Variants in LTBP1 observed in about 807,000 individuals in gnomAD.
LTBP1 encodes latent transforming growth factor beta binding protein 1.
A neutral mutation model predicts 207.6 loss-of-function variants in LTBP1; 129 were observed. The observed-to-expected ratio is 0.62, with a 90% CI of 0.54 to 0.72. LTBP1 has a LOEUF of 0.72. LTBP1 is among the 30% of genes least tolerant of loss of function. The probability of loss-of-function intolerance (pLI) is 0.00; values close to 1 mark genes in which losing one functional copy is unlikely to be tolerated. For synonymous variants in LTBP1, 963 were observed against 833.7 expected (o/e 1.16, Z -2.67); for missense variants, 2,281 against 2,217.2 (o/e 1.03, Z -0.58).
chr2:33,034,228 T>TAA (rs10710968), intron 3 of LTBP1, among the ~76,000 whole-genome samples: 4 of 143,600 alleles, frequency 2.8e-5, no homozygotes, highest in Admixed American at 2.8e-4. Context: ...ATTGTTGTTC[T>TAA]AAAAAAAAAA....
intron 9 of LTBP1, among the ~76,000 whole-genome samples, chr2:33,229,567 T>A (rs1431582566): frequency 6.6e-6 from 1 of 152,238 alleles, no homozygotes; most frequent in Non-Finnish European, 1.5e-5. Context: ...ATGTTTTGAA[T>A]AATTTATATT....
At chr2:32,966,751 T>C (rs895792346) in intron 2 of LTBP1, among the ~76,000 whole-genome samples, 4 of 152,188 alleles carry the variant, frequency 2.6e-5, no homozygotes, top group African/African-American at 9.6e-5. Context: ...ATAATTGTTT[T>C]TATTCATTGT....
intron 22 of LTBP1, among the ~76,000 whole-genome samples, chr2:33,306,426 C>T (rs1405949329): frequency 2.0e-5 from 3 of 151,898 alleles, no homozygotes; most frequent in Non-Finnish European, 2.9e-5. Context: ...AAAAATTAGC[C>T]GGCCGTGGTG....
intron 2 of LTBP1, among the ~76,000 whole-genome samples, chr2:32,960,956 A>G (rs1332876216): frequency 6.6e-6 from 1 of 152,210 alleles, no homozygotes; most frequent in African/African-American, 2.4e-5. Context: ...ATAAGATAAC[A>G]AGAGGGGACT....
intron 7 of LTBP1, among the ~76,000 whole-genome samples, chr2:33,202,227 G>T (rs1375815278): frequency 6.6e-6 from 1 of 152,112 alleles, no homozygotes; most frequent in African/African-American, 2.4e-5. Flanking sequence ...CAATACTTTT[G>T]TCACAGGACT....
intron 3 of LTBP1, among the ~76,000 whole-genome samples, chr2:33,082,704 C>T (rs924780824): frequency 2.6e-5 from 4 of 152,142 alleles, no homozygotes; most frequent in African/African-American, 7.2e-5. Flanking sequence ...GGATTACAGG[C>T]GTGAACCACC....
At chr2:33,051,771 CA>C in intron 3 of LTBP1, among the ~76,000 whole-genome samples, 1 of 152,286 alleles carries the variant, frequency 6.6e-6, no homozygotes, top group South Asian at 2.1e-4. Flanking sequence ...GTGACTCATT[CA>C]AAGCCACTTT....
Position 33,024,185 on chromosome 2 carries a change from T to TTA in LTBP1, c.863+2980_863+2981dup, listed in dbSNP as rs2075306483. On this transcript the variant is annotated intron_variant, in intron 3 of 33. Transcript: ENST00000404816. The stretch of plus-strand genomic sequence containing the variant: ...CATAAAATGTCTGCTTTCTTGGAAC[T>TTA]TACAGTTTAGAGAGGGAGAGACAGT... Among the ~76,000 whole-genome samples, 5 of 152,230 alleles carry TTA rather than the reference T, an allele frequency of 3.3e-5. No individual in the cohort carries two copies. The South Asian group carries it at 1.0e-3, about 32-fold the overall frequency.
intron 15 of LTBP1, among the ~76,000 whole-genome samples, chr2:33,267,449 T>C (rs1334951978): frequency 6.6e-6 from 1 of 152,324 alleles, no homozygotes; most frequent in Non-Finnish European, 1.5e-5. Context: ...TTTTTTTTAA[T>C]GGCCATGGCT....
At position 33,354,728 on chromosome 2, in the gene LTBP1, A is replaced by ACC. The variant is rs1553514859; in HGVS notation, c.4001-5868_4001-5867dup. Among the ~76,000 whole-genome samples the ACC allele has an allele frequency of 5.1e-3, 547 of 106,706 alleles. 4 individuals are homozygous for ACC. The highest frequency in any genetic ancestry group is 0.012 in the African/African-American group (364 of 30,478). 70.0% of individuals were successfully genotyped at this position (106,706 alleles called of 152,430 possible). A position where few individuals can be genotyped will look rare whatever the true frequency, so the allele number is the denominator to read the frequency against. Reference sequence around the variant, plus strand: ...CACACACACACACACACACACACACACCATTGTATCTTCATTTATTTTTAT... The same window carrying ACC: ...CACACACACACACACACACACACACACCCCATTGTATCTTCATTTATTTTTAT... On this transcript the variant is annotated intron_variant, in intron 26 of 33. Transcript: ENST00000404816.
intron 7 of LTBP1, among the ~76,000 whole-genome samples, chr2:33,196,530 T>G (rs116228065): frequency 6.6e-6 from 1 of 151,968 alleles, no homozygotes; most frequent in Middle Eastern, 3.2e-3. Flanking sequence ...AGAAGTCAAG[T>G]TGAAAAAAAA....
intron 9 of LTBP1, among the ~76,000 whole-genome samples, chr2:33,240,987 C>T (rs1237467918): frequency 6.6e-6 from 1 of 152,034 alleles, no homozygotes; most frequent in Non-Finnish European, 1.5e-5. Context: ...GGTGGTTACA[C>T]CACAAGTAGA....
intron 4 of LTBP1, among the ~76,000 whole-genome samples, chr2:33,115,498 A>C (rs1220595300): frequency 6.6e-6 from 1 of 152,050 alleles, no homozygotes; most frequent in Admixed American, 6.5e-5. Context: ...ATTCTGTGGC[A>C]TGTGAATCAT....
chr2:33,206,516 GGATCACGAGGTTAGGA>G (rs2089891914), intron 7 of LTBP1, among the ~76,000 whole-genome samples: 2 of 152,150 alleles, frequency 1.3e-5, no homozygotes, highest in Non-Finnish European at 1.5e-5. Flanking sequence ...CGAGGCGGGC[GGATCACGAGGTTAGGA>G]GATCGAGACC....
At chr2:32,954,549 C>T (rs1208991642) in intron 2 of LTBP1, among the ~76,000 whole-genome samples, 4 of 35,350 alleles carry the variant, frequency 1.1e-4, no homozygotes, top group East Asian at 9.9e-4. Flanking sequence ...CCACTCCCCG[C>T]CCCCCCCCAC....
intron 32 of LTBP1, among the ~76,000 whole-genome samples, 193 bp downstream of exon 32, chr2:33,389,499 A>G (rs529806104): frequency 6.6e-6 from 1 of 152,164 alleles, no homozygotes. Flanking sequence ...GGGTGAGTCT[A>G]AGAACCACTG....
At chr2:33,004,257 G>A (rs1686449958) in intron 2 of LTBP1, among the ~76,000 whole-genome samples, 1 of 152,122 alleles carries the variant, frequency 6.6e-6, no homozygotes, top group Non-Finnish European at 1.5e-5. Flanking sequence ...TTGTAGATGA[G>A]TTTTAATCCT....
At chr2:33,199,323 G>A (rs1425723119) in intron 7 of LTBP1, among the ~76,000 whole-genome samples, 2 of 152,142 alleles carry the variant, frequency 1.3e-5, no homozygotes, top group Non-Finnish European at 2.9e-5. Flanking sequence ...TTCCAAGTAT[G>A]TGGTCAATTT....
intron 7 of LTBP1, among the ~76,000 whole-genome samples, chr2:33,192,887 T>C (rs1178524181): frequency 6.6e-6 from 1 of 152,172 alleles, no homozygotes; most frequent in Admixed American, 6.5e-5. Flanking sequence ...CTGAACTTGC[T>C]TTTATAACAA....
Sources: allele counts gnomAD v4.1 joint callset (sites outside exome capture counted in the v4.1 genomes callset), GRCh38; gene constraint gnomAD v4.1.1; transcripts MANE v1.5; gene names NCBI Gene and HGNC (gene_info 2026-07-23, HGNC 2026-07-21).